CRYBG1: variants seen among roughly 807,000 people sequenced by gnomAD.
The protein encoded by CRYBG1 is crystallin beta-gamma domain containing 1, also known as beta/gamma crystallin domain-containing protein 1.
CRYBG1 carries 139 observed loss-of-function variants against 189.2 expected under a neutral mutation model. The observed-to-expected ratio is 0.73, with a 90% CI of 0.64 to 0.85. The LOEUF is 0.85. Among genes scored for constraint, CRYBG1 ranks in the 40% least tolerant of loss-of-function variants. CRYBG1 has a pLI of 0.00. For missense variants in CRYBG1, 2,611 were observed against 2,675.8 expected, an observed-to-expected ratio of 0.98 and a Z score of 0.53; for synonymous variants, 1,023 against 1,017.1, an observed-to-expected ratio of 1.01 and a Z score of -0.11.
chr6:106,555,039 C>A (rs535443596), intron 16 of CRYBG1, among the ~76,000 whole-genome samples: 1 of 152,070 alleles, frequency 6.6e-6, no homozygotes, highest in South Asian at 2.1e-4. Flanking sequence ...GTGGCATGCA[C>A]CTGTAGTCCC....
At chr6:106,524,211 G>A (rs569847923) in intron 4 of CRYBG1, among the ~76,000 whole-genome samples, 23 of 152,324 alleles carry the variant, frequency 1.5e-4, no homozygotes, top group African/African-American at 5.3e-4. Flanking sequence ...GGTCTTGTCA[G>A]ATGGTCTTGA....
At chr6:106,540,270 G>A (rs1006565546) in intron 9 of CRYBG1, among the ~76,000 whole-genome samples, 1 of 152,202 alleles carries the variant, frequency 6.6e-6, no homozygotes, top group Non-Finnish European at 1.5e-5. Flanking sequence ...CAGCATGGAA[G>A]TTGTTCCCTA....
intron 1 of CRYBG1, among the ~76,000 whole-genome samples, chr6:106,371,620 G>A (rs895608018): frequency 2.4e-4 from 36 of 152,308 alleles, no homozygotes; most frequent in African/African-American, 8.4e-4. Context: ...TATCAATCAG[G>A]AGTCCTTCAT....
chr6:106,539,145 G>A (rs967517594), intron 8 of CRYBG1, among the ~76,000 whole-genome samples: 6 of 152,234 alleles, frequency 3.9e-5, no homozygotes, highest in East Asian at 1.9e-4. Flanking sequence ...ATGGAACTTT[G>A]GAGCAATTAA....
chr6:106,560,322 G>A (rs981361564), intron 18 of CRYBG1, among the ~76,000 whole-genome samples: 10 of 152,342 alleles, frequency 6.6e-5, no homozygotes, highest in African/African-American at 2.2e-4. Flanking sequence ...TTCCTCAGGT[G>A]TGCAGCAGTA....
chr6:106,397,639 A>G (rs144800649), intron 1 of CRYBG1, among the ~76,000 whole-genome samples: 77 of 152,316 alleles, frequency 5.1e-4, no homozygotes, highest in African/African-American at 1.7e-3. Context: ...TCAGCACATT[A>G]TTCCCAGACT....
chr6:106,567,809 C>G (rs959312610), intron 21 of CRYBG1, among the ~76,000 whole-genome samples: 2 of 152,194 alleles, frequency 1.3e-5, no homozygotes, highest in African/African-American at 4.8e-5. Context: ...TACAAACATT[C>G]TGGTAACAGG....
At chr6:106,566,464 CTTTTTTTTTT>C (rs34773477) in intron 21 of CRYBG1, among the ~76,000 whole-genome samples, 3 of 71,650 alleles carry the variant, frequency 4.2e-5, no homozygotes, top group South Asian at 6.7e-4. Context: ...CAACAACAGT[CTTTTTTTTTT>C]TTTTTTTTTT....
chr6:106,412,561 T>C (rs1770948466), intron 1 of CRYBG1, among the ~76,000 whole-genome samples: 1 of 152,180 alleles, frequency 6.6e-6, no homozygotes, highest in African/African-American at 2.4e-5. Context: ...TGGCATGGAT[T>C]GTTACTGAAG....
intron 1 of CRYBG1, among the ~76,000 whole-genome samples, chr6:106,371,040 G>C (rs1224457606): frequency 1.3e-5 from 2 of 152,084 alleles, no homozygotes; most frequent in Non-Finnish European, 2.9e-5. Flanking sequence ...CTCAATTCAT[G>C]ATTTTTTAAA....
chr6:106,527,366 T>C lies in CRYBG1; in HGVS notation c.4474T>C (p.Leu1492=), dbSNP rs779225050. 7.4e-6 allele frequency: 12 copies of C among 1,613,734 alleles called. No individual in the cohort carries two copies. The highest frequency in any genetic ancestry group is 1.1e-5 in the South Asian group (1 of 91,074). ...CTCCATCCCCTTAGAAGAAGGAGAA[T>C]TGGAACTCTCTGGTCTCTGGGGTAT... ...GHSIPLEEGE[L]ELSGLWGIED... Residue 1492 remains leucine, a synonymous_variant, in exon 7 of 22, where the codon TTG becomes CTG. Transcript: ENST00000633556.
chr6:106,404,911 C>T (rs1770793520), intron 1 of CRYBG1, among the ~76,000 whole-genome samples: 1 of 152,170 alleles, frequency 6.6e-6, no homozygotes, highest in Non-Finnish European at 1.5e-5. Context: ...CCTTCGTGTG[C>T]CTACACCACC....
rs1771851764 is a variant in CRYBG1 at position 106,360,838 on chromosome 6, T to C, written c.-71T>C. ...AGGCGGGCGAGCTGGCGCTCAGGTG[T>C]GTTCTTCCATAGGGCCCGGGCGGCA... On this transcript the variant is annotated 5_prime_UTR_variant, in exon 1 of 22. Coordinates refer to ENST00000633556, the MANE Select transcript of CRYBG1 (RefSeq NM_001371242.2). 1 of 1,441,728 alleles carries C rather than the reference T, an allele frequency of 6.9e-7. No homozygotes were observed. The highest frequency in any genetic ancestry group is 2.6e-5 in the East Asian group (1 of 38,682). The allele number at this position is 1,441,728 out of a possible 1,614,324, so 89.3% of individuals were successfully genotyped here. A position where few individuals can be genotyped will look rare whatever the true frequency, so the allele number is the denominator to read the frequency against.
intron 1 of CRYBG1, among the ~76,000 whole-genome samples, chr6:106,370,051 A>C (rs964518124): frequency 1.1e-4 from 17 of 152,256 alleles, no homozygotes; most frequent in Admixed American, 1.1e-3. Context: ...TAGATCTCAC[A>C]AGTAGAAATT....
At position 106,519,442 on chromosome 6, in the gene CRYBG1, A is replaced by G; in HGVS notation, c.2234A>G (p.Lys745Arg). ...PNSPQNGVLV[K>R]ETAIETKVTV... ...AGTCCCCAGAATGGTGTGCTGGTTA[A>G]GGAAACTGCTATAGAAACCAAAGTT... Residue 745 changes from lysine to arginine, a missense_variant, in exon 4 of 22, where the codon AAG becomes AGG. Physicochemically the swap from Lys to Arg is conservative, Grantham distance 26 (BLOSUM62 2). Coordinates refer to ENST00000633556, the MANE Select transcript of CRYBG1 (RefSeq NM_001371242.2). The G allele has an allele frequency of 1.9e-6, 3 of 1,614,154 alleles. No homozygotes were observed. The highest frequency in any genetic ancestry group is 1.7e-5 in the Admixed American group (1 of 60,032).
chr6:106,472,682 T>C (rs968004839), intron 2 of CRYBG1, among the ~76,000 whole-genome samples: 17 of 151,368 alleles, frequency 1.1e-4, no homozygotes, highest in African/African-American at 4.1e-4. Context: ...ATTGCTTGAG[T>C]CCAGGAGTTT....
At chr6:106,546,579 G>A (rs1055678012) in intron 13 of CRYBG1, among the ~76,000 whole-genome samples, 21 of 152,304 alleles carry the variant, frequency 1.4e-4, no homozygotes, top group African/African-American at 3.4e-4. Flanking sequence ...TGTCTAGGCC[G>A]TTGCATGTGG....
intron 2 of CRYBG1, among the ~76,000 whole-genome samples, chr6:106,509,938 T>C (rs971255373): frequency 6.6e-6 from 1 of 152,090 alleles, no homozygotes; most frequent in African/African-American, 2.4e-5. Flanking sequence ...ACCAGGACTG[T>C]CTCAACAAAT....
At chr6:106,510,408 C>T (rs1200698341) in intron 2 of CRYBG1, among the ~76,000 whole-genome samples, 1 of 152,210 alleles carries the variant, frequency 6.6e-6, no homozygotes, top group African/African-American at 2.4e-5. Context: ...GTTTGTTCTG[C>T]GCTCCCTCCC....
Sources: gnomAD v4.1 joint callset for allele counts (sites outside exome capture counted in the v4.1 genomes callset) on GRCh38, gnomAD v4.1.1 for gene constraint, MANE v1.5 for transcripts, NCBI Gene and HGNC (gene_info 2026-07-23, HGNC 2026-07-21) for gene names.